The following RAB3IP variants were observed in gnomAD, a reference collection of about 807,000 sequenced individuals.
RAB3IP encodes RAB3A interacting protein, also known as rab-3A-interacting protein.
In RAB3IP, 36 loss-of-function variants were observed where a neutral mutation model predicts 59.1. The observed-to-expected ratio is 0.61, with a 90% CI of 0.47 to 0.80. The LOEUF (loss-of-function observed/expected upper bound fraction) is 0.80, where lower values mean the gene tolerates loss of function less well. Ranked by LOEUF, RAB3IP falls within the 30% of genes least tolerant of loss-of-function variation. The pLI is 0.00. For missense variants in RAB3IP, 511 were observed against 536.0 expected (o/e 0.95, Z 0.46); for synonymous variants, 207 against 191.2 (o/e 1.08, Z -0.68).
At chr12:69,743,132 T>C (rs1053475635) in intron 1 of RAB3IP, among the ~76,000 whole-genome samples, 1 of 152,220 alleles carries the variant, frequency 6.6e-6, no homozygotes, top group African/African-American at 2.4e-5. Flanking sequence ...AATGTGAGAA[T>C]GCCCTATGAG....
intron 4 of RAB3IP, among the ~76,000 whole-genome samples, chr12:69,789,454 G>A (rs76662867): frequency 6.6e-6 from 1 of 151,990 alleles, no homozygotes; most frequent in South Asian, 2.1e-4. Context: ...ATGGAATCAA[G>A]AAGTAGAAAC....
intron 3 of RAB3IP, among the ~76,000 whole-genome samples, chr12:69,768,652 C>G (rs559910168): frequency 5.3e-5 from 8 of 152,176 alleles, no homozygotes; most frequent in Non-Finnish European, 1.0e-4. Context: ...GTTCATGTTG[C>G]CAAACTGGCC....
chr12:69,745,781 T>G (rs913279147), intron 1 of RAB3IP, among the ~76,000 whole-genome samples: 1 of 152,188 alleles, frequency 6.6e-6, no homozygotes, highest in Non-Finnish European at 1.5e-5. Flanking sequence ...TTCTTAGAGA[T>G]CCTTTGCTGT....
At chr12:69,811,456 T>C (rs1167464634) in intron 8 of RAB3IP, among the ~76,000 whole-genome samples, 1 of 152,206 alleles carries the variant, frequency 6.6e-6, no homozygotes, top group Non-Finnish European at 1.5e-5. Flanking sequence ...CCTTACCAGA[T>C]CCCTTTCAAA....
At position 69,747,585 on chromosome 12, in the gene RAB3IP, A is replaced by T. The variant is rs139418208; in HGVS notation, c.-25-7799A>T. Reference sequence around the variant, plus strand: ...CTTCCAAAGTTCTGAGATTACAAGAACCACTGTGCCTGACCTGTCATCTCC... The same window carrying T: ...CTTCCAAAGTTCTGAGATTACAAGATCCACTGTGCCTGACCTGTCATCTCC... On this transcript the variant is annotated intron_variant, in intron 1 of 10. Coordinates refer to ENST00000247833, the MANE Select transcript of RAB3IP (RefSeq NM_022456.5). Among the ~76,000 whole-genome samples, 4 of 152,242 alleles carry T rather than the reference A, an allele frequency of 2.6e-5. No homozygotes were observed. In the East Asian group the frequency reaches 7.7e-4, roughly 29 times the overall value.
chr12:69,769,980 A>G (rs1872836281), intron 3 of RAB3IP, among the ~76,000 whole-genome samples: 1 of 152,224 alleles, frequency 6.6e-6, no homozygotes, highest in African/African-American at 2.4e-5. Flanking sequence ...TAATTACCGA[A>G]TTAAATATCT....
intron 8 of RAB3IP, among the ~76,000 whole-genome samples, chr12:69,806,570 G>GTTTTTTTTTTTTTTTTTT (rs35262716): frequency 1.5e-5 from 1 of 68,470 alleles, no homozygotes; most frequent in Non-Finnish European, 2.7e-5. Flanking sequence ...TGCTTCTCTA[G>GTTTTTTTTTTTTTTTTTT]TTTTTTTTTT....
rs538102683 is a variant in RAB3IP at position 69,767,211 on chromosome 12, G to A, written c.510+10548G>A. Among the ~76,000 whole-genome samples the A allele has an allele frequency of 2.6e-5, 4 of 152,128 alleles. No homozygotes were observed. The East Asian group carries it at 7.7e-4, about 29-fold the overall frequency. Reference sequence around the variant, plus strand: ...CTCCCTATTGGGGTGTGACTGTAGAGAATTCTGGGTAGGATCTTTTGGTTT... The same window carrying A: ...CTCCCTATTGGGGTGTGACTGTAGAAAATTCTGGGTAGGATCTTTTGGTTT... On this transcript the variant is annotated intron_variant, in intron 3 of 10. Transcript: ENST00000247833.
chr12:69,757,921 A>C lies in RAB3IP; in HGVS notation c.510+1258A>C, dbSNP rs185117179. Reference sequence around the variant, plus strand: ...GAACAGATTGCTAATTTCTTAGCTCACTTGAGAATTTCCTTTGAAATCTCT... The same window carrying C: ...GAACAGATTGCTAATTTCTTAGCTCCCTTGAGAATTTCCTTTGAAATCTCT... On this transcript the variant is annotated intron_variant, in intron 3 of 10. Coordinates refer to ENST00000247833, the MANE Select transcript of RAB3IP (RefSeq NM_022456.5). Among the ~76,000 whole-genome samples the C allele has an allele frequency of 7.0e-4, 107 of 152,338 alleles. No homozygotes were observed. The Middle Eastern group carries it at 0.014, about 19-fold the overall frequency.
intron 1 of RAB3IP, among the ~76,000 whole-genome samples, chr12:69,749,062 C>T (rs1408010584): frequency 1.3e-5 from 2 of 152,180 alleles, no homozygotes; most frequent in African/African-American, 4.8e-5. Context: ...GTCCTAAGTG[C>T]TATATAACAG....
At chr12:69,799,286 A>G (rs918959958) in intron 6 of RAB3IP, among the ~76,000 whole-genome samples, 3 of 152,192 alleles carry the variant, frequency 2.0e-5, no homozygotes, top group Admixed American at 1.3e-4. Flanking sequence ...TTTATGGTGT[A>G]TCCAGTGCCT....
intron 8 of RAB3IP, 23 bp from the exon 9 acceptor site, chr12:69,812,755 T>A: frequency 1.3e-6 from 2 of 1,548,520 alleles, no homozygotes; most frequent in Non-Finnish European, 1.8e-6. Context: ...TTCAAAAAAC[T>A]GAAATTTATC....
At chr12:69,770,997 C>G (rs1409390241) in intron 3 of RAB3IP, among the ~76,000 whole-genome samples, 1 of 152,200 alleles carries the variant, frequency 6.6e-6, no homozygotes, top group African/African-American at 2.4e-5. Context: ...ACCAACCTCT[C>G]CTCATTCTAC....
intron 3 of RAB3IP, among the ~76,000 whole-genome samples, chr12:69,765,682 C>T (rs1268095145): frequency 6.6e-6 from 1 of 152,178 alleles, no homozygotes; most frequent in Non-Finnish European, 1.5e-5. Context: ...AGTGAGGCAA[C>T]TCAGGCTGCC....
intron 8 of RAB3IP, among the ~76,000 whole-genome samples, chr12:69,806,584 T>C (rs918432641): frequency 6.8e-6 from 1 of 147,550 alleles, no homozygotes; most frequent in Non-Finnish European, 1.5e-5. Context: ...TTTTTTTTTT[T>C]TTTTTTTTAG....
intron 10 of RAB3IP, 23 bp from the exon 11 acceptor site, chr12:69,815,341 A>C: frequency 6.7e-7 from 1 of 1,501,244 alleles, no homozygotes; most frequent in East Asian, 2.3e-5. Flanking sequence ...TGATTTAAAT[A>C]TCTCTCTTTT....
rs1873673466 is a variant in RAB3IP, at chr12:69,774,984, A to T, written c.511-9736A>T. 8.2e-5 allele frequency among the ~76,000 whole-genome samples: 2 copies of T among 24,518 alleles called. 1 individual carries two copies. The highest frequency in any genetic ancestry group is 1.8e-4 in the African/African-American group (2 of 10,812). The allele number at this position is 24,518 out of a possible 152,430, so 16.1% of individuals were successfully genotyped here. A position where few individuals can be genotyped will look rare whatever the true frequency, so the allele number is the denominator to read the frequency against. On this transcript the variant is annotated intron_variant, in intron 3 of 10. Coordinates refer to ENST00000247833, the MANE Select transcript of RAB3IP (RefSeq NM_022456.5). ...GGTAGCTTGATGGGGATGGCATTGA[A>T]TCTGTAAATTACCTTGGGCAGTATG...
chr12:69,755,299 A>T, intron 1 of RAB3IP, 85 bp from the exon 2 acceptor site: 1 of 1,215,310 alleles, frequency 8.2e-7, no homozygotes, highest in Non-Finnish European at 1.1e-6. Context: ...ATGGACTGTT[A>T]AACACATTTT....
rs752983158 is a variant in RAB3IP at position 69,819,146 on chromosome 12, C to T, written c.*3700C>T. 2.0e-5 allele frequency: 3 copies of T among 152,092 alleles called. No homozygotes were observed. The highest frequency in any genetic ancestry group is 2.9e-5 in the Non-Finnish European group (2 of 68,034). The allele number at this position is 152,092 out of a possible 1,614,324, so 9.4% of individuals were successfully genotyped here. On this transcript the variant is annotated 3_prime_UTR_variant, in exon 11 of 11. Transcript: ENST00000247833. The stretch of plus-strand genomic sequence containing the variant: ...AATAAGAGAGTTATGCATGGAACAT[C>T]GGTGGTGTATTATGAATCAAGCATT...
Sources: gnomAD v4.1 joint callset for allele counts (sites outside exome capture counted in the v4.1 genomes callset) on GRCh38, gnomAD v4.1.1 for gene constraint, MANE v1.5 for transcripts, NCBI Gene and HGNC (gene_info 2026-07-23, HGNC 2026-07-21) for gene names.